The following KIFBP variants were observed in gnomAD, a reference collection of about 807,000 sequenced individuals.
KIFBP encodes kinesin family binding protein.
A neutral mutation model predicts 58.9 loss-of-function variants in KIFBP; 46 were observed. The ratio of observed to expected loss-of-function variants is 0.78; its 90% CI spans 0.62 to 1.00. KIFBP has a LOEUF of 1.00. KIFBP is among the 50% of genes least tolerant of loss of function. The pLI is 0.00. For missense variants in KIFBP, 651 were observed against 752.9 expected (o/e 0.86, Z 1.58); for synonymous variants, 241 against 283.4 (o/e 0.85, Z 1.50).
intron 1 of KIFBP, among the ~76,000 whole-genome samples, chr10:68,990,209 T>G (rs2429029): frequency 0.075 from 11,436 of 152,190 alleles, 578 homozygotes; most frequent in Middle Eastern, 0.14. Context: ...TACTTTTTGT[T>G]TCCCATTTAT....
chr10:69,008,389 A>ATATATAT (rs1434053871), intron 4 of KIFBP, among the ~76,000 whole-genome samples: 195 of 56,532 alleles, frequency 3.4e-3, no homozygotes, highest in Admixed American at 5.0e-3. Context: ...AAAAAAAAAA[A>ATATATAT]AAATATATAT....
rs1843316739 is a variant in KIFBP at position 68,989,420 on chromosome 10, C to T, written c.426+162C>T. 5.1e-6 allele frequency: 4 copies of T among 780,666 alleles called. No homozygotes were observed. In the Admixed American group the frequency reaches 9.8e-5, roughly 19 times the overall value. The allele number at this position is 780,666 out of a possible 1,614,324, so 48.4% of individuals were successfully genotyped here. A position where few individuals can be genotyped will look rare whatever the true frequency, so the allele number is the denominator to read the frequency against. ...AGAGCGTCTGTGGTCTTCAAAAAAG[C>T]CAGTCTTATGGACTTATTGCCTTGT... On this transcript the variant is annotated intron_variant, in intron 1 of 6. Coordinates refer to ENST00000361983, the MANE Select transcript of KIFBP (RefSeq NM_015634.4).
At chr10:68,994,186 A>AG (rs1564634309) in intron 1 of KIFBP, among the ~76,000 whole-genome samples, 1 of 151,796 alleles carries the variant, frequency 6.6e-6, no homozygotes, top group Admixed American at 6.6e-5. Context: ...ACCCTGTCTC[A>AG]GAAAAAAAAA....
intron 6 of KIFBP, among the ~76,000 whole-genome samples, chr10:69,012,108 G>GTT (rs1554843597): frequency 3.3e-4 from 50 of 152,256 alleles, no homozygotes; most frequent in South Asian, 1.0e-3. Flanking sequence ...AAAAATAGAA[G>GTT]CAGAACTGAT....
Position 68,989,207 on chromosome 10 carries a change from G to C in KIFBP, c.375G>C (p.Leu125=). The change falls in exon 1 of 7, where the codon CTG becomes CTC. Residue 125 remains leucine (L), a synonymous_variant. Coordinates refer to ENST00000361983, the MANE Select transcript of KIFBP (RefSeq NM_015634.4). ...ACCTGGTGAAATGCCTGCGGCTGCT[G>C]CGCAGGTACCGGCTCTCGCACGACT... ...EEHLVKCLRL[L]RRYRLSHDCI... The C allele has an allele frequency of 6.2e-7, 1 of 1,613,676 alleles. No homozygotes were observed. Among genetic ancestry groups the C allele is most frequent in the Non-Finnish European group, 8.5e-7 (1 of 1,179,978 alleles).
intron 4 of KIFBP, chr10:69,006,832 T>C (rs1843542075): frequency 6.6e-6 from 1 of 152,186 alleles, no homozygotes; most frequent in Non-Finnish European, 1.5e-5. Flanking sequence ...ATTAAAGTAT[T>C]GTCCCACAGA....
intron 4 of KIFBP, among the ~76,000 whole-genome samples, chr10:69,008,387 AAAAAATATATAT>A (rs1376078507): frequency 1.7e-5 from 1 of 60,150 alleles, no homozygotes; most frequent in Non-Finnish European, 3.2e-5. Flanking sequence ...TAAAAAAAAA[AAAAAATATATAT>A]ATATATATAT....
At chr10:68,998,771 A>ATTTTTTTTT (rs869186033) in intron 1 of KIFBP, among the ~76,000 whole-genome samples, 1 of 99,856 alleles carries the variant, frequency 1.0e-5, no homozygotes, top group African/African-American at 3.7e-5. Flanking sequence ...ATATATATAT[A>ATTTTTTTTT]TTTTTTTTTT....
chr10:68,991,628 T>C (rs571285576), intron 1 of KIFBP: 28 of 296,372 alleles, frequency 9.4e-5, no homozygotes, highest in Non-Finnish European at 1.7e-4. Flanking sequence ...TTGGTCTACC[T>C]TGAGCAGGCA....
At chr10:69,000,323 T>C (rs1843452674) in intron 1 of KIFBP, 101 bp from the exon 2 acceptor site, 3 of 774,462 alleles carry the variant, frequency 3.9e-6, no homozygotes, top group Non-Finnish European at 2.3e-6. Context: ...AATCCAACTC[T>C]ACTATTTGGT....
downstream of KIFBP, chr10:69,016,982 ACTT>A (rs1423270791): frequency 1.3e-5 from 2 of 152,088 alleles, no homozygotes; most frequent in Admixed American, 6.5e-5. Flanking sequence ...ACTAATGAAA[ACTT>A]CTGTTTCCTT....
chr10:69,007,811 GACTTTA>G (rs1843550656), intron 4 of KIFBP: 1 of 152,152 alleles, frequency 6.6e-6, no homozygotes, highest in African/African-American at 2.4e-5. Flanking sequence ...CTAAAAGTTG[GACTTTA>G]ACTTTGAACT....
At chr10:69,008,005 T>G (rs939126320) in intron 4 of KIFBP, among the ~76,000 whole-genome samples, 2 of 152,176 alleles carry the variant, frequency 1.3e-5, no homozygotes, top group Non-Finnish European at 2.9e-5. Flanking sequence ...CTTTAAAACT[T>G]GGTGGGAAGC....
rs775247494 is a variant in KIFBP at position 68,988,906 on chromosome 10, A to G, written c.74A>G (p.His25Arg). ...CTCGCTCTGTCGCGGGTGGAACTGC[A>G]TAAAAATCCGGAGAAGGAACCATAC... ...AALALSRVEL[H>R]KNPEKEPYKS... Residue 25 changes from histidine (H) to arginine (R), a missense_variant, in exon 1 of 7, where the codon CAT becomes CGT. By Grantham distance (29) the His-to-Arg change is conservative. Transcript: ENST00000361983. The G allele has an allele frequency of 5.0e-6, 8 of 1,614,254 alleles. No homozygotes were observed. The South Asian group carries it at 7.7e-5, about 16-fold the overall frequency.
At chr10:68,999,111 T>G (rs1024204117) in intron 1 of KIFBP, among the ~76,000 whole-genome samples, 14 of 148,814 alleles carry the variant, frequency 9.4e-5, no homozygotes, top group East Asian at 4.0e-4. Context: ...TTTGGTTTTG[T>G]TTTTGAGACA....
chr10:69,010,835 T>C, intron 5 of KIFBP, 65 bp from the exon 6 acceptor site: 1 of 1,052,688 alleles, frequency 9.5e-7, no homozygotes, highest in South Asian at 1.3e-5. Flanking sequence ...ATTAAAAAAA[T>C]TACAGTACCC....
chr10:69,010,156 A>T, intron 5 of KIFBP, among the ~76,000 whole-genome samples: 1 of 152,240 alleles, frequency 6.6e-6, no homozygotes. Flanking sequence ...TGAAAAAATG[A>T]CAGTGACCAG....
intron 1 of KIFBP, among the ~76,000 whole-genome samples, chr10:68,997,483 G>A: frequency 6.6e-6 from 1 of 152,100 alleles, no homozygotes; most frequent in East Asian, 1.9e-4. Flanking sequence ...GAATGTTTGG[G>A]CTTCCCCTTC....
chr10:68,989,655 G>T, intron 1 of KIFBP: 1 of 231,528 alleles, frequency 4.3e-6, no homozygotes, highest in Non-Finnish European at 8.5e-6. Flanking sequence ...ACGTCTCAAG[G>T]AAATGACAAT....
Sources: allele counts gnomAD v4.1 joint callset (sites outside exome capture counted in the v4.1 genomes callset), GRCh38; gene constraint gnomAD v4.1.1; transcripts MANE v1.5; gene names NCBI Gene and HGNC (gene_info 2026-07-23, HGNC 2026-07-21).